The following PLA2G4E variants were observed in gnomAD, a reference collection of about 807,000 sequenced individuals.
PLA2G4E encodes the protein cytosolic phospholipase A2 epsilon.
Under a neutral mutation model 109.1 loss-of-function variants are expected in PLA2G4E, and 84 were observed. That is an observed-to-expected ratio of 0.77 (90% CI 0.65 to 0.92). PLA2G4E has a LOEUF of 0.92. Among genes scored for constraint, PLA2G4E ranks in the 40% least tolerant of loss-of-function variants. The pLI is 0.00. For synonymous variants in PLA2G4E, 469 were observed against 436.1 expected (o/e 1.08, Z -0.94); for missense variants, 1,057 against 1,076.6 (o/e 0.98, Z 0.25).
intron 12 of PLA2G4E, among the ~76,000 whole-genome samples, chr15:41,994,991 C>T (rs1276302528): frequency 6.6e-6 from 1 of 152,250 alleles, no homozygotes; most frequent in Admixed American, 6.5e-5. Context: ...AGCTGCAGGG[C>T]CCTGCCCGTT....
At chr15:41,997,346 C>G in intron 10 of PLA2G4E, 87 bp from the exon 11 acceptor site, 1 of 1,358,594 alleles carries the variant, frequency 7.4e-7, no homozygotes, top group Non-Finnish European at 9.6e-7. Context: ...GACCTAGGCT[C>G]AAAGCCTACT....
At chr15:42,005,125 C>T (rs2068462084) in intron 4 of PLA2G4E, 147 bp from the exon 5 acceptor site, 1 of 939,978 alleles carries the variant, frequency 1.1e-6, no homozygotes. Flanking sequence ...CTTGTGGTCT[C>T]CTCTGCCAAT....
chr15:42,023,353 G>C (rs1322670964), intron 1 of PLA2G4E, among the ~76,000 whole-genome samples: 1 of 150,812 alleles, frequency 6.6e-6, no homozygotes, highest in East Asian at 1.9e-4. Context: ...ACTAGATTAG[G>C]GTCCAAATAA....
chr15:41,991,346 A>G (rs2068245605), intron 13 of PLA2G4E, among the ~76,000 whole-genome samples: 1 of 152,204 alleles, frequency 6.6e-6, no homozygotes, highest in African/African-American at 2.4e-5. Context: ...TTGTTACAAT[A>G]TTGTTGAAAA....
chr15:42,050,406 G>A lies in PLA2G4E; in HGVS notation c.183+115C>T, dbSNP rs1329316377. 2.5e-5 allele frequency: 32 copies of A among 1,269,022 alleles called. 1 individual carries two copies. The South Asian group carries it at 4.4e-4, about 17-fold the overall frequency. The allele number at this position is 1,269,022 out of a possible 1,614,324, so 78.6% of individuals were successfully genotyped here. ...GGGACTCCTCCGGAGAGAAAGAAAT[G>A]AACAAAAACCACAACCTCTTAACTC... On this transcript the variant is annotated intron_variant, in intron 1 of 19. Transcript: ENST00000399518.
At chr15:42,027,380 C>T (rs772107118) in intron 1 of PLA2G4E, among the ~76,000 whole-genome samples, 11 of 152,106 alleles carry the variant, frequency 7.2e-5, no homozygotes, top group Non-Finnish European at 1.6e-4. Context: ...CCCCAGGGAC[C>T]AGTGAGGATA....
intron 14 of PLA2G4E, 100 bp from the exon 15 acceptor site, chr15:41,989,652 A>G: frequency 1.4e-6 from 2 of 1,467,988 alleles, no homozygotes. Flanking sequence ...CAGGCCTTGG[A>G]AAGCCTGGGA....
chr15:42,019,823 A>G (rs2068630985), intron 1 of PLA2G4E, among the ~76,000 whole-genome samples: 1 of 152,222 alleles, frequency 6.6e-6, no homozygotes, highest in African/African-American at 2.4e-5. Context: ...CCCGGCACCA[A>G]CATGGACCCT....
At chr15:42,023,879 T>C (rs1234472134) in intron 1 of PLA2G4E, among the ~76,000 whole-genome samples, 1 of 152,192 alleles carries the variant, frequency 6.6e-6, no homozygotes, top group Admixed American at 6.5e-5. Flanking sequence ...AGGGGGCTGA[T>C]GGGAGCTTGG....
chr15:42,047,628 G>A (rs72727724), intron 1 of PLA2G4E, among the ~76,000 whole-genome samples: 14,306 of 152,142 alleles, frequency 0.094, 712 homozygotes, highest in South Asian at 0.19. Context: ...AATCTGCCAC[G>A]TAAGTAATCG....
rs528328715 is a variant in PLA2G4E at position 42,045,840 on chromosome 15, C to A, written c.183+4681G>T. 2.7e-4 allele frequency among the ~76,000 whole-genome samples: 41 copies of A among 152,310 alleles called. 1 individual carries two copies. The South Asian group carries it at 7.5e-3, about 28-fold the overall frequency. ...AACAGATTTCCTCCTCAACTTGTCT[C>A]CTGAGTTCCAGACTTGTATTTTCAA... On this transcript the variant is annotated intron_variant, in intron 1 of 19. Transcript: ENST00000399518.
chr15:42,045,484 C>T (rs946473912), intron 1 of PLA2G4E, among the ~76,000 whole-genome samples: 8 of 152,116 alleles, frequency 5.3e-5, no homozygotes, highest in South Asian at 2.1e-4. Context: ...ACGGCAGTGC[C>T]GGGGGATGAA....
intron 16 of PLA2G4E, 82 bp downstream of exon 16, chr15:41,987,967 G>A (rs987756062): frequency 1.3e-6 from 1 of 765,090 alleles, no homozygotes; most frequent in African/African-American, 1.8e-5. Context: ...GGAAAGCCGG[G>A]GGCCGCCCCC....
At chr15:42,042,510 C>T (rs1299821836) in intron 1 of PLA2G4E, among the ~76,000 whole-genome samples, 1 of 151,976 alleles carries the variant, frequency 6.6e-6, no homozygotes, top group East Asian at 1.9e-4. Flanking sequence ...GCAAAAAATG[C>T]ATTTAGAGAC....
intron 11 of PLA2G4E, among the ~76,000 whole-genome samples, chr15:41,996,378 A>AAT (rs1555385822): frequency 7.3e-5 from 9 of 124,110 alleles, no homozygotes; most frequent in East Asian, 2.4e-4. Context: ...AAAAAAAAAA[A>AAT]AGGAGGGAGG....
rs780475121 is a variant in PLA2G4E, at chr15:41,997,243, C to T, written c.991G>A (p.Val331Met). The change falls in exon 11 of 20, where the codon GTG becomes ATG. Residue 331 changes from valine to methionine, a missense_variant. Val to Met is a conservative substitution (Grantham distance 21). Coordinates refer to ENST00000399518, the Ensembl canonical transcript of PLA2G4E. Reference sequence around the variant, plus strand: ...GGGCACAGGCTGAAGCCCAGCCGCACGTCCAGTGTCTCAGGGCTGGAGGGA... The same window carrying T: ...GGGCACAGGCTGAAGCCCAGCCGCATGTCCAGTGTCTCAGGGCTGGAGGGA... 5.2e-6 allele frequency: 8 copies of T among 1,547,916 alleles called. No homozygotes were observed. The highest frequency in any genetic ancestry group is 1.7e-4 in the Middle Eastern group (1 of 5,994).
intron 19 of PLA2G4E, 47 bp downstream of exon 19, chr15:41,984,389 G>A (rs778564303): frequency 1.5e-5 from 24 of 1,552,086 alleles, no homozygotes; most frequent in African/African-American, 1.2e-4. Flanking sequence ...AGGCATTCCC[G>A]GGCCAAGGGC....
At chr15:42,005,006 G>A (rs1364368842) in intron 4 of PLA2G4E, 28 bp from the exon 5 acceptor site, 1 of 1,610,364 alleles carries the variant, frequency 6.2e-7, no homozygotes, top group Non-Finnish European at 8.5e-7. Flanking sequence ...GAAGGCAGCT[G>A]TGAGTGGCGT....
At chr15:42,020,781 T>C (rs2068641019) in intron 1 of PLA2G4E, among the ~76,000 whole-genome samples, 154 bp downstream of exon 1, 1 of 152,162 alleles carries the variant, frequency 6.6e-6, no homozygotes, top group Non-Finnish European at 1.5e-5. Context: ...AAGATGAGGC[T>C]GCCTGAGCCC....
Sources: allele counts gnomAD v4.1 joint callset (sites outside exome capture counted in the v4.1 genomes callset), GRCh38; gene constraint gnomAD v4.1.1; transcripts MANE v1.5; gene names NCBI Gene and HGNC (gene_info 2026-07-23, HGNC 2026-07-21).